ASTN2: variants seen among roughly 807,000 people sequenced by gnomAD.
ASTN2 encodes the protein astrotactin-2.
In ASTN2, 54 loss-of-function variants were observed where a neutral mutation model predicts 139.8. That is an observed-to-expected ratio of 0.39 (90% CI 0.31 to 0.48). The LOEUF (loss-of-function observed/expected upper bound fraction) is 0.48, where lower values mean the gene tolerates loss of function less well. Ranked by LOEUF, ASTN2 falls within the 20% of genes least tolerant of loss-of-function variation. The probability of loss-of-function intolerance (pLI) is 0.95; values close to 1 mark genes in which losing one functional copy is unlikely to be tolerated. For synonymous variants in ASTN2, 756 were observed against 719.5 expected, an observed-to-expected ratio of 1.05 and a Z score of -0.81; for missense variants, 1,565 against 1,725.1, an observed-to-expected ratio of 0.91 and a Z score of 1.64.
chr9:116,918,175 C>G (rs989376637), intron 10 of ASTN2, among the ~76,000 whole-genome samples: 1 of 152,152 alleles, frequency 6.6e-6, no homozygotes, highest in Non-Finnish European at 1.5e-5. Flanking sequence ...TCTTCCCAGC[C>G]TTGTGTATGT....
chr9:116,980,019 G>C (rs931773440), intron 7 of ASTN2, among the ~76,000 whole-genome samples: 3 of 152,078 alleles, frequency 2.0e-5, no homozygotes, highest in African/African-American at 7.2e-5. Flanking sequence ...TATATATTTT[G>C]CAATTAAGAG....
chr9:116,462,219 A>T (rs1175678443), intron 20 of ASTN2, among the ~76,000 whole-genome samples: 2 of 152,216 alleles, frequency 1.3e-5, no homozygotes, highest in African/African-American at 4.8e-5. Flanking sequence ...TGAAGCACAT[A>T]TAATGTGCTA....
intron 19 of ASTN2, among the ~76,000 whole-genome samples, chr9:116,608,857 T>A (rs1855356185): frequency 6.6e-6 from 1 of 152,148 alleles, no homozygotes; most frequent in South Asian, 2.1e-4. Flanking sequence ...TAAAAGTTAC[T>A]GTAACTATAT....
At chr9:116,676,778 G>T (rs1859532326) in intron 16 of ASTN2, among the ~76,000 whole-genome samples, 1 of 152,222 alleles carries the variant, frequency 6.6e-6, no homozygotes, top group Non-Finnish European at 1.5e-5. Context: ...GGGTTCAATT[G>T]TTGGCTTCTG....
At chr9:117,113,690 G>T (rs1197182855) in intron 4 of ASTN2, among the ~76,000 whole-genome samples, 1 of 151,476 alleles carries the variant, frequency 6.6e-6, no homozygotes, top group African/African-American at 2.4e-5. Context: ...AAAAAAAAAG[G>T]ATCTACTGAC....
chr9:117,198,982 G>GT lies in ASTN2; in HGVS notation c.1015+15375dup, dbSNP rs1294586060. Reference sequence around the variant, plus strand: ...CCTTTGCCCATTTTTTGACAGGGTTGTTTTTTTCTTGTAAATATGTTTAAC... The same window carrying GT: ...CCTTTGCCCATTTTTTGACAGGGTTGTTTTTTTTCTTGTAAATATGTTTAAC... On this transcript the variant is annotated intron_variant, in intron 3 of 22. Transcript: ENST00000313400. 2.6e-5 allele frequency among the ~76,000 whole-genome samples: 4 copies of GT among 151,978 alleles called. No homozygotes were observed. In the East Asian group the frequency reaches 7.7e-4, roughly 29 times the overall value.
In ASTN2 at chr9:117,180,067, CAT is replaced by C. The variant is rs761948839; in HGVS notation, c.1015+34289_1015+34290del. Among the ~76,000 whole-genome samples, 127 of 152,328 alleles carry C rather than the reference CAT, an allele frequency of 8.3e-4. 2 individuals carry two copies. Among genetic ancestry groups the C allele is most frequent in the Middle Eastern group, 3.4e-3 (1 of 294 alleles). On this transcript the variant is annotated intron_variant, in intron 3 of 22. Coordinates refer to ENST00000313400, the MANE Select transcript of ASTN2 (RefSeq NM_001365068.1). ...GCCCATTTCCAGATCAGTGCTGTATCATCTCTTGGAGCATGCTAGCTCTGCAT... is the reference window on the plus strand; with the variant it reads ...GCCCATTTCCAGATCAGTGCTGTATCCTCTTGGAGCATGCTAGCTCTGCAT...
At position 116,442,489 on chromosome 9, in the gene ASTN2, T is replaced by TGA; in HGVS notation, c.3561_3562insTC (p.Thr1188SerfsTer7). 1 of 1,614,048 alleles carries TGA rather than the reference T, an allele frequency of 6.2e-7. No homozygotes were observed. The highest frequency in any genetic ancestry group is 8.5e-7 in the Non-Finnish European group (1 of 1,180,016). ...TTGTCATCTACCAGTGGACAGGCCG[T>TGA]CCTCAGGGTCACCGTGCTTAGCTCT... is the stretch of plus-strand genomic sequence containing the variant. On this transcript the variant is annotated frameshift_variant, in exon 21 of 23. Coordinates refer to ENST00000313400, the MANE Select transcript of ASTN2 (RefSeq NM_001365068.1). LOFTEE classifies it high-confidence loss of function.
At chr9:116,559,849 A>T (rs2131659401) in intron 19 of ASTN2, among the ~76,000 whole-genome samples, 1 of 152,296 alleles carries the variant, frequency 6.6e-6, no homozygotes, top group East Asian at 1.9e-4. Context: ...CTGCCTTCTT[A>T]TTCCTTGAAC....
intron 13 of ASTN2, among the ~76,000 whole-genome samples, chr9:116,775,477 G>C (rs1286748284): frequency 7.5e-6 from 1 of 134,198 alleles, no homozygotes; most frequent in African/African-American, 2.9e-5. Context: ...GAGGCAGATG[G>C]GGAAGAAGGG....
intron 7 of ASTN2, among the ~76,000 whole-genome samples, chr9:116,985,791 C>T (rs1428918617): frequency 6.6e-6 from 1 of 152,128 alleles, no homozygotes; most frequent in Non-Finnish European, 1.5e-5. Context: ...GCTGAGCCTG[C>T]CGGTGAGAGG....
At chr9:116,452,715 A>C (rs779158890) in intron 20 of ASTN2, among the ~76,000 whole-genome samples, 2 of 152,240 alleles carry the variant, frequency 1.3e-5, no homozygotes, top group Non-Finnish European at 1.5e-5. Flanking sequence ...ACATAGGTCT[A>C]CTTACTCAAA....
chr9:116,814,278 A>T (rs1430348220), intron 12 of ASTN2, among the ~76,000 whole-genome samples: 1 of 152,124 alleles, frequency 6.6e-6, no homozygotes, highest in Non-Finnish European at 1.5e-5. Context: ...AACCCTTCTA[A>T]CTGATATCAT....
chr9:116,564,160 T>C (rs1853066198), intron 19 of ASTN2, among the ~76,000 whole-genome samples: 1 of 152,226 alleles, frequency 6.6e-6, no homozygotes, highest in Admixed American at 6.5e-5. Context: ...AACCTAAACC[T>C]GATTCAAATA....
At chr9:117,109,293 T>TAAGA (rs1263251743) in intron 4 of ASTN2, among the ~76,000 whole-genome samples, 6 of 138,866 alleles carry the variant, frequency 4.3e-5, no homozygotes, top group African/African-American at 1.6e-4. Flanking sequence ...AAAAATTAAT[T>TAAGA]AATAAATAAA....
At chr9:117,236,234 G>A (rs1247517564) in intron 2 of ASTN2, among the ~76,000 whole-genome samples, 5 of 152,154 alleles carry the variant, frequency 3.3e-5, no homozygotes, top group East Asian at 1.9e-4. Context: ...ACCAAAACAC[G>A]AGGACTAAAA....
intron 10 of ASTN2, among the ~76,000 whole-genome samples, chr9:116,952,980 C>G (rs947928977): frequency 6.6e-6 from 1 of 152,174 alleles, no homozygotes; most frequent in African/African-American, 2.4e-5. Flanking sequence ...CACAGTGCGA[C>G]CTTGGGCCAG....
intron 7 of ASTN2, among the ~76,000 whole-genome samples, chr9:116,985,920 T>G (rs1836665553): frequency 6.6e-6 from 1 of 152,194 alleles, no homozygotes; most frequent in Non-Finnish European, 1.5e-5. Flanking sequence ...GGTGTCAGCC[T>G]GGCAACCAAG....
intron 16 of ASTN2, among the ~76,000 whole-genome samples, chr9:116,680,581 T>C (rs1394089384): frequency 6.6e-6 from 1 of 152,064 alleles, no homozygotes; most frequent in Non-Finnish European, 1.5e-5. Flanking sequence ...AAAAGGAGAA[T>C]TTTAGATCAA....
Sources: gnomAD v4.1 joint callset for allele counts (sites outside exome capture counted in the v4.1 genomes callset) on GRCh38, gnomAD v4.1.1 for gene constraint, MANE v1.5 for transcripts, NCBI Gene and HGNC (gene_info 2026-07-23, HGNC 2026-07-21) for gene names.